The following CSMD1 variants were observed in gnomAD, a reference collection of about 807,000 sequenced individuals.
The protein encoded by CSMD1 is CUB and sushi domain-containing protein 1.
A neutral mutation model predicts 417.5 loss-of-function variants in CSMD1; 213 were observed. The observed-to-expected ratio is 0.51, with a 90% CI of 0.46 to 0.57. The LOEUF (loss-of-function observed/expected upper bound fraction) is 0.57. CSMD1 is among the 20% of genes least tolerant of loss of function. The pLI is 0.00. For synonymous variants in CSMD1, 2,862 were observed against 1,736.8 expected (o/e 1.65, Z -16.11); for missense variants, 6,923 against 4,529.7 (o/e 1.53, Z -15.17).
intron 9 of CSMD1, among the ~76,000 whole-genome samples, chr8:3,581,461 A>G (rs1800379740): frequency 6.6e-6 from 1 of 152,228 alleles, no homozygotes; most frequent in African/African-American, 2.4e-5. Context: ...TAATGTAAGC[A>G]TTGGCTAACC....
intron 3 of CSMD1, among the ~76,000 whole-genome samples, chr8:4,067,148 G>A (rs1391957346): frequency 2.6e-5 from 4 of 152,134 alleles, no homozygotes; most frequent in South Asian, 4.1e-4. Flanking sequence ...AAAACCAAAG[G>A]GAAAGCAAGG....
In CSMD1 at chr8:4,745,662, A is replaced by G. The variant is rs933849824; in HGVS notation, c.86-108104T>C. 3.3e-5 allele frequency among the ~76,000 whole-genome samples: 5 copies of G among 152,226 alleles called. 1 individual carries two copies. The highest frequency in any genetic ancestry group is 5.9e-5 in the Non-Finnish European group (4 of 68,036). ...AGAGAAGTAGAAATAAAAGAAAAAGAAAACACAGATTTTAAGCTTTCACAA... is the reference window on the plus strand; with the variant it reads ...AGAGAAGTAGAAATAAAAGAAAAAGGAAACACAGATTTTAAGCTTTCACAA... On this transcript the variant is annotated intron_variant, in intron 1 of 69. Transcript: ENST00000635120.
intron 6 of CSMD1, among the ~76,000 whole-genome samples, chr8:3,716,049 T>C (rs960511131): frequency 1.3e-5 from 2 of 152,194 alleles, no homozygotes; most frequent in Admixed American, 6.5e-5. Flanking sequence ...TGGTCGAATG[T>C]CCACCCTCCT....
At chr8:4,255,372 G>C (rs961981505) in intron 3 of CSMD1, among the ~76,000 whole-genome samples, 1 of 152,172 alleles carries the variant, frequency 6.6e-6, no homozygotes, top group African/African-American at 2.4e-5. Context: ...CCAGAGAAAG[G>C]TGACTGAGCA....
In CSMD1 at chr8:2,951,268, T is replaced by A; in HGVS notation, c.10047A>T (p.Ser3349=). ...NETVTKTPVP[S]DVFFVNSLWK... is the part of the protein sequence containing the mutation. ...ACAGTGAATTGACGAAAAAGACATC[T>A]GAAGGAACTGTGGGAAGGGGGGAAA... Residue 3349 remains serine, a synonymous_variant, in exon 66 of 70, where the codon TCA becomes TCT. Coordinates refer to ENST00000635120, the MANE Select transcript of CSMD1 (RefSeq NM_033225.6). The A allele has an allele frequency of 6.2e-7, 1 of 1,603,232 alleles. No individual in the cohort carries two copies. Among genetic ancestry groups the A allele is most frequent in the South Asian group, 1.1e-5 (1 of 89,416 alleles).
intron 1 of CSMD1, among the ~76,000 whole-genome samples, chr8:4,748,151 C>T (rs999785689): frequency 6.6e-6 from 1 of 152,134 alleles, no homozygotes; most frequent in Non-Finnish European, 1.5e-5. Flanking sequence ...ACAGAGAAAA[C>T]CCACAACATG....
intron 1 of CSMD1, among the ~76,000 whole-genome samples, chr8:4,899,488 C>G (rs1804722633): frequency 6.6e-6 from 1 of 151,930 alleles, no homozygotes; most frequent in Middle Eastern, 3.2e-3. Flanking sequence ...AGAAGAAATC[C>G]CAATATGTTA....
chr8:4,265,055 G>A (rs979708386), intron 3 of CSMD1, among the ~76,000 whole-genome samples: 1 of 152,100 alleles, frequency 6.6e-6, no homozygotes, highest in African/African-American at 2.4e-5. Flanking sequence ...GATTTGCCTT[G>A]ATACAAAGGC....
At chr8:4,953,491 C>T (rs1290058151) in intron 1 of CSMD1, among the ~76,000 whole-genome samples, 2 of 152,076 alleles carry the variant, frequency 1.3e-5, no homozygotes, top group East Asian at 3.9e-4. Flanking sequence ...TGGATGAACC[C>T]AACATCGTCC....
intron 27 of CSMD1, among the ~76,000 whole-genome samples, chr8:3,225,463 C>T (rs1328745848): frequency 6.6e-6 from 1 of 151,858 alleles, no homozygotes; most frequent in Non-Finnish European, 1.5e-5. Context: ...GCAGTGCCTC[C>T]TCAGAATCAC....
At chr8:4,116,007 T>C (rs1358258343) in intron 3 of CSMD1, among the ~76,000 whole-genome samples, 1 of 106,720 alleles carries the variant, frequency 9.4e-6, no homozygotes, top group Non-Finnish European at 2.0e-5. Context: ...TTTATTTATT[T>C]ATTTATTTAT....
At chr8:4,431,011 G>C (rs1018683397) in intron 2 of CSMD1, among the ~76,000 whole-genome samples, 2 of 152,082 alleles carry the variant, frequency 1.3e-5, no homozygotes, top group African/African-American at 2.4e-5. Context: ...TCTCTGGAAA[G>C]ACTTCGCATA....
In CSMD1 at chr8:4,787,301, C is replaced by A. The variant is rs796283015; in HGVS notation, c.86-149743G>T. ...TCTAGAGCTCTGCCTCACTTACCGG[C>A]GCGGTCGCAGCCCTCAGCCCACTCA... On this transcript the variant is annotated intron_variant, in intron 1 of 69. Transcript: ENST00000635120. 1.2e-4 allele frequency: 83 copies of A among 693,882 alleles called. No individual in the cohort carries two copies. In the African/African-American group the frequency reaches 1.4e-3, roughly 11 times the overall value. 43.0% of individuals were successfully genotyped at this position (693,882 alleles called of 1,614,324 possible).
At chr8:3,800,037 T>C (rs1800372576) in intron 5 of CSMD1, among the ~76,000 whole-genome samples, 1 of 152,186 alleles carries the variant, frequency 6.6e-6, no homozygotes, top group South Asian at 2.1e-4. Context: ...TGAACCTCAA[T>C]TCTTTTGTCA....
chr8:3,721,295 G>C (rs536575070), intron 6 of CSMD1, among the ~76,000 whole-genome samples: 5 of 152,226 alleles, frequency 3.3e-5, no homozygotes, highest in African/African-American at 9.6e-5. Context: ...GAGATGAGTG[G>C]CCACATATTC....
At chr8:4,542,306 T>G (rs980261204) in intron 2 of CSMD1, among the ~76,000 whole-genome samples, 3 of 152,148 alleles carry the variant, frequency 2.0e-5, no homozygotes, top group African/African-American at 7.2e-5. Context: ...AATATGTTAA[T>G]ATAAATTGTC....
At chr8:4,483,119 C>T (rs1801188092) in intron 2 of CSMD1, among the ~76,000 whole-genome samples, 2 of 152,246 alleles carry the variant, frequency 1.3e-5, no homozygotes, top group South Asian at 4.2e-4. Context: ...CCATACTGTT[C>T]TCCTGGTGGT....
At chr8:3,169,480 G>GA (rs1003852017) in intron 37 of CSMD1, among the ~76,000 whole-genome samples, 88 of 146,954 alleles carry the variant, frequency 6.0e-4, no homozygotes, top group South Asian at 1.7e-3. Context: ...CGAAATCATA[G>GA]AAAAAAAAAA....
chr8:3,707,290 G>C (rs60887719), intron 7 of CSMD1, among the ~76,000 whole-genome samples: 281 of 140,486 alleles, frequency 2.0e-3, no homozygotes, highest in African/African-American at 6.5e-3. Context: ...GTCTGCTCTA[G>C]CATGCAGATG....
Sources: allele counts gnomAD v4.1 joint callset (sites outside exome capture counted in the v4.1 genomes callset), GRCh38; gene constraint gnomAD v4.1.1; transcripts MANE v1.5; gene names NCBI Gene and HGNC (gene_info 2026-07-23, HGNC 2026-07-21).